The following MAN2A2 variants were observed in gnomAD, a reference collection of about 807,000 sequenced individuals.
MAN2A2 encodes the protein mannosidase alpha class 2A member 2.
In MAN2A2, 79 loss-of-function variants were observed where a neutral mutation model predicts 126.8. The observed-to-expected ratio is 0.62, with a 90% CI of 0.52 to 0.75. The LOEUF (loss-of-function observed/expected upper bound fraction) is 0.75. Among genes scored for constraint, MAN2A2 ranks in the 30% least tolerant of loss-of-function variants. The pLI is 0.00. For missense variants in MAN2A2, 1,392 were observed against 1,522.4 expected (o/e 0.91, Z 1.43); for synonymous variants, 671 against 618.7 (o/e 1.08, Z -1.25).
Position 90,912,597 on chromosome 15 carries a change from T to A in MAN2A2, c.2402T>A (p.Val801Asp). ...HEQQVDMQVLVYGTRTSKDKS... is the reference protein window; with the variant it reads ...HEQQVDMQVLDYGTRTSKDKS... ...CAGCAGGTGGACATGCAGGTCCTTG[T>A]CTATGGCACCCGTACGTCCAAAGAC... Residue 801 changes from valine (V) to aspartate (D), a missense_variant, in exon 16 of 23, where the codon GTC (valine) becomes GAC (aspartate). Transcript: ENST00000559717. The A allele has an allele frequency of 6.2e-7, 1 of 1,614,176 alleles. No individual in the cohort carries two copies. Among genetic ancestry groups the A allele is most frequent in the Non-Finnish European group, 8.5e-7 (1 of 1,180,030 alleles).
chr15:90,913,675 T>G lies in MAN2A2; in HGVS notation c.2780T>G (p.Val927Gly). ...CAGGCCAACTTCTACCCCATGCCAG[T>G]CATGGCCTATATCCAGGACGCACAG... ...PLQANFYPMP[V>G]MAYIQDAQKR... is the part of the protein sequence containing the mutation. The change falls in exon 19 of 23, where the codon GTC becomes GGC. Residue 927 changes from valine (V) to glycine (G), a missense_variant. Val to Gly is a moderately radical substitution (Grantham distance 109). Transcript: ENST00000559717. 2 of 1,611,558 alleles carry G rather than the reference T, an allele frequency of 1.2e-6. No homozygotes were observed. Among genetic ancestry groups the G allele is most frequent in the South Asian group, 1.1e-5 (1 of 90,442 alleles).
At chr15:90,916,529 A>G (rs531789786) in intron 20 of MAN2A2, 3 of 1,411,884 alleles carry the variant, frequency 2.1e-6, no homozygotes, top group Non-Finnish European at 2.8e-6. Flanking sequence ...CTGTCCCAGC[A>G]TTCTCTAAGC....
chr15:90,916,959 G>T (rs1165118012), intron 20 of MAN2A2, among the ~76,000 whole-genome samples: 1 of 152,174 alleles, frequency 6.6e-6, no homozygotes, highest in Non-Finnish European at 1.5e-5. Flanking sequence ...GGTCAAGGAG[G>T]TGTCACCCAG....
rs75478132 is a variant in MAN2A2 at position 90,913,360 on chromosome 15, A to G, written c.2672A>G (p.Asp891Gly). The G allele has an allele frequency of 8.9e-4, 1,423 of 1,606,160 alleles. 30 individuals are homozygous for G. In the East Asian group the frequency reaches 0.028, roughly 32 times the overall value. ...GAGCTGGCCCTGCACATCCATACAG[A>G]CATCGACAGCCAGGGTATCTTCTTC... ...NKELALHIHT[D>G]IDSQGIFFTD... Residue 891 changes from aspartate (D) to glycine (G), a missense_variant, in exon 18 of 23, where the codon GAC (aspartate) becomes GGC (glycine). Coordinates refer to ENST00000559717, the MANE Select transcript of MAN2A2 (RefSeq NM_006122.4).
chr15:90,918,881 G>T, intron 22 of MAN2A2, 126 bp downstream of exon 22: 1 of 702,328 alleles, frequency 1.4e-6, no homozygotes, highest in Non-Finnish European at 2.4e-6. Flanking sequence ...GAGAAGGGGG[G>T]AAGCTGTAGA....
In MAN2A2 at chr15:90,910,700, TTCCCTTGTAAGC is replaced by T; in HGVS notation, c.1760+22_1760+33del. The T allele has an allele frequency of 6.2e-7, 1 of 1,612,944 alleles. No homozygotes were observed. The highest frequency in any genetic ancestry group is 8.5e-7 in the Non-Finnish European group (1 of 1,179,782). On this transcript the variant is annotated intron_variant, in intron 11 of 22. Transcript: ENST00000559717. Reference sequence around the variant, plus strand: ...TGGGGTCAGGTGGGAGCCTTCTCTTTTCCCTTGTAAGCTCCCCTGCTCACTGTCCCAAAGAAA... The same window carrying T: ...TGGGGTCAGGTGGGAGCCTTCTCTTTTCCCCTGCTCACTGTCCCAAAGAAA...
In MAN2A2 at chr15:90,922,579, A is replaced by C. The variant is rs1420966537; in HGVS notation, c.*2792A>C. ...CAGAATAAAGGATATTATCTTTGGA[A>C]GTCTTAGATGTGCAATGAAATTATT... On this transcript the variant is annotated 3_prime_UTR_variant, in exon 23 of 23. Coordinates refer to ENST00000559717, the MANE Select transcript of MAN2A2 (RefSeq NM_006122.4). 6.6e-6 allele frequency: 1 copy of C among 152,214 alleles called. No homozygotes were observed. Among genetic ancestry groups the C allele is most frequent in the Non-Finnish European group, 1.5e-5 (1 of 68,036 alleles). The allele number at this position is 152,214 out of a possible 1,614,324, so 9.4% of individuals were successfully genotyped here.
At position 90,912,599 on chromosome 15, in the gene MAN2A2, T is replaced by C; in HGVS notation, c.2404T>C (p.Tyr802His). ...GCAGGTGGACATGCAGGTCCTTGTC[T>C]ATGGCACCCGTACGTCCAAAGACAA... ...EQQVDMQVLVYGTRTSKDKSG... is the reference protein window; with the variant it reads ...EQQVDMQVLVHGTRTSKDKSG... The change falls in exon 16 of 23, where the codon TAT becomes CAT. Residue 802 changes from tyrosine (Y) to histidine (H), a missense_variant. Coordinates refer to ENST00000559717, the MANE Select transcript of MAN2A2 (RefSeq NM_006122.4). The C allele has an allele frequency of 1.2e-6, 2 of 1,614,172 alleles. No individual in the cohort carries two copies.
chr15:90,904,476 A>C, intron 2 of MAN2A2, 137 bp downstream of exon 2: 1 of 1,012,042 alleles, frequency 9.9e-7, no homozygotes, highest in Non-Finnish European at 1.4e-6. Context: ...TTCCTTCCCA[A>C]TAGTCAGGTT....
chr15:90,918,040 G>A (rs922364725), intron 20 of MAN2A2, among the ~76,000 whole-genome samples, 154 bp from the exon 21 acceptor site: 1 of 152,138 alleles, frequency 6.6e-6, no homozygotes, highest in Non-Finnish European at 1.5e-5. Flanking sequence ...AAGGGTTAGC[G>A]GAACCTCGCC....
rs540512872 is a variant in MAN2A2 at position 90,910,933 on chromosome 15, T to G, written c.1847T>G (p.Phe616Cys). ...LVLGDKETYH[F>C]DPEAPFLQVD... ...CTGGGGGACAAGGAGACCTACCACT[T>G]TGACCCTGAGGCGCCCTTCCTCCAA... Residue 616 changes from phenylalanine to cysteine, a missense_variant, in exon 12 of 23, where the codon TTT becomes TGT. Phe to Cys is a radical substitution (Grantham distance 205). Coordinates refer to ENST00000559717, the MANE Select transcript of MAN2A2 (RefSeq NM_006122.4). 1.9e-6 allele frequency: 3 copies of G among 1,614,134 alleles called. 1 individual carries two copies. The African/African-American group carries it at 4.0e-5, about 22-fold the overall frequency.
At chr15:90,905,144 A>T in intron 2 of MAN2A2, 107 bp from the exon 3 acceptor site, 2 of 1,263,856 alleles carry the variant, frequency 1.6e-6, no homozygotes, top group Non-Finnish European at 1.1e-6. Context: ...TCTGGCTTTG[A>T]CTGATGAGGG....
Position 90,920,051 on chromosome 15 carries a change from G to C in MAN2A2, c.*264G>C. 1 of 423,846 alleles carries C rather than the reference G, an allele frequency of 2.4e-6. No individual in the cohort carries two copies. 26.3% of individuals were successfully genotyped at this position (423,846 alleles called of 1,614,324 possible). ...AGTGGGCAGTGCCAGGCTCTGCTTTGGGTTGTGAGTGGACACCCAACTGGG... is the reference window on the plus strand; with the variant it reads ...AGTGGGCAGTGCCAGGCTCTGCTTTCGGTTGTGAGTGGACACCCAACTGGG... On this transcript the variant is annotated 3_prime_UTR_variant, in exon 23 of 23. Coordinates refer to ENST00000559717, the MANE Select transcript of MAN2A2 (RefSeq NM_006122.4).
At chr15:90,906,335 CCTG>C in intron 5 of MAN2A2, 32 bp from the exon 6 acceptor site, 1 of 1,613,208 alleles carries the variant, frequency 6.2e-7, no homozygotes, top group Non-Finnish European at 8.5e-7. Context: ...GGCAGAGTGT[CCTG>C]CTCCGTCCTG....
intron 14 of MAN2A2, 134 bp downstream of exon 14, chr15:90,911,684 G>C (rs1303885622): frequency 1.9e-6 from 2 of 1,036,052 alleles, no homozygotes; most frequent in Non-Finnish European, 2.7e-6. Flanking sequence ...GTCCTGGGGA[G>C]GGGGTTGTCC....
chr15:90,903,937 G>A, intron 1 of MAN2A2: 1 of 502,978 alleles, frequency 2.0e-6, no homozygotes, highest in Non-Finnish European at 3.7e-6. Flanking sequence ...GTGCGCTCCA[G>A]TCGGAGCTGG....
chr15:90,916,549 A>G, intron 20 of MAN2A2: 1 of 1,407,928 alleles, frequency 7.1e-7, no homozygotes, highest in Non-Finnish European at 9.4e-7. Context: ...CCTGTGCTCC[A>G]ACCCCGCTCA....
chr15:90,912,438 G>A (rs1164779132), intron 15 of MAN2A2, 104 bp from the exon 16 acceptor site: 1 of 1,590,816 alleles, frequency 6.3e-7, no homozygotes, highest in South Asian at 1.1e-5. Context: ...GACAGCATGG[G>A]GAAGCAGGGC....
rs759056815 is a variant in MAN2A2 at position 90,906,501 on chromosome 15, AGTCCAG to A, written c.835+6_835+11del. 1 of 1,614,142 alleles carries A rather than the reference AGTCCAG, an allele frequency of 6.2e-7. No individual in the cohort carries two copies. On this transcript the variant is annotated splice_donor_5th_base_variant and intron_variant, in intron 6 of 22. Coordinates refer to ENST00000559717, the MANE Select transcript of MAN2A2 (RefSeq NM_006122.4). ...CAGTGGCTGGAGAGAAATCTTGGTA[AGTCCAG>A]GCCCAGGCATGGGGGTCTGCCCCCT...
Sources: gnomAD v4.1 joint callset for allele counts (sites outside exome capture counted in the v4.1 genomes callset) on GRCh38, gnomAD v4.1.1 for gene constraint, MANE v1.5 for transcripts, NCBI Gene and HGNC (gene_info 2026-07-23, HGNC 2026-07-21) for gene names.